The following PLCB4 variants were observed in gnomAD, a reference collection of about 807,000 sequenced individuals.
PLCB4 encodes phospholipase C beta 4, also known as 1-phosphatidylinositol 4,5-bisphosphate phosphodiesterase beta-4.
In PLCB4, 77 loss-of-function variants were observed where a neutral mutation model predicts 178.8. The ratio of observed to expected loss-of-function variants is 0.43; its 90% confidence interval spans 0.36 to 0.52. The LOEUF (loss-of-function observed/expected upper bound fraction) is 0.52. PLCB4 is among the 20% of genes least tolerant of loss of function. The pLI, the probability that PLCB4 is intolerant of heterozygous loss-of-function variation, is 0.00. For synonymous variants in PLCB4, 496 were observed against 490.8 expected (o/e 1.01, Z -0.14); for missense variants, 1,024 against 1,453.4 (o/e 0.70, Z 4.80).
intron 3 of PLCB4, among the ~76,000 whole-genome samples, chr20:9,288,330 C>T (rs2094552317): frequency 6.6e-6 from 1 of 151,558 alleles, no homozygotes; most frequent in African/African-American, 2.4e-5. Flanking sequence ...TCACCATTAG[C>T]TTATTAAGGT....
At chr20:9,400,184 G>C (rs923912964) in intron 19 of PLCB4, among the ~76,000 whole-genome samples, 6 of 152,084 alleles carry the variant, frequency 3.9e-5, no homozygotes, top group African/African-American at 9.7e-5. Flanking sequence ...AGAAGAGGAA[G>C]GTGGCTGTTT....
At chr20:9,085,687 A>C (rs1375655645) in intron 1 of PLCB4, among the ~76,000 whole-genome samples, 1 of 152,190 alleles carries the variant, frequency 6.6e-6, no homozygotes, top group Non-Finnish European at 1.5e-5. Flanking sequence ...AAATATATTG[A>C]CCTTGACTGT....
At chr20:9,211,552 G>T (rs1319183970) in intron 2 of PLCB4, among the ~76,000 whole-genome samples, 2 of 152,112 alleles carry the variant, frequency 1.3e-5, no homozygotes, top group Non-Finnish European at 2.9e-5. Flanking sequence ...TCTAAACTTG[G>T]GTTATTCCTG....
chr20:9,435,165 A>G (rs913040580), intron 28 of PLCB4, among the ~76,000 whole-genome samples: 6 of 152,318 alleles, frequency 3.9e-5, no homozygotes, highest in Middle Eastern at 6.8e-3. Flanking sequence ...ATTATTCTGC[A>G]GGGCAGGTGG....
At position 9,125,382 on chromosome 20, in the gene PLCB4, A is replaced by G. The variant is rs1455118838; in HGVS notation, c.-79+29040A>G. Reference sequence around the variant, plus strand: ...ATGGAACTTAATGAATGTGTGTGGTAAGAAGTAAAAATGGATTAGTTGTGT... The same window carrying G: ...ATGGAACTTAATGAATGTGTGTGGTGAGAAGTAAAAATGGATTAGTTGTGT... On this transcript the variant is annotated intron_variant, in intron 2 of 39. Transcript: ENST00000378473. Among the ~76,000 whole-genome samples, 4 of 152,194 alleles carry G rather than the reference A, an allele frequency of 2.6e-5. No individual in the cohort carries two copies. The East Asian group carries it at 7.7e-4, about 29-fold the overall frequency.
intron 30 of PLCB4, among the ~76,000 whole-genome samples, chr20:9,438,878 A>G (rs187615336): frequency 4.1e-4 from 63 of 152,340 alleles, no homozygotes; most frequent in Admixed American, 2.4e-3. Flanking sequence ...GGACAGTAGC[A>G]TGTTGGTAGG....
At position 9,220,591 on chromosome 20, in the gene PLCB4, T is replaced by A. The variant is rs536603386; in HGVS notation, c.-16+3139T>A. Reference sequence around the variant, plus strand: ...GCGGAGGTTTGCAGTGAGCCGAGACTGAGCCACTGTACCCCAGCCTGGGTG... The same window carrying A: ...GCGGAGGTTTGCAGTGAGCCGAGACAGAGCCACTGTACCCCAGCCTGGGTG... On this transcript the variant is annotated intron_variant, in intron 3 of 39. Coordinates refer to ENST00000378473, the MANE Select transcript of PLCB4 (RefSeq NM_001377142.1). Among the ~76,000 whole-genome samples the A allele has an allele frequency of 6.6e-5, 10 of 152,336 alleles. No homozygotes were observed. In the South Asian group the frequency reaches 2.1e-3, roughly 32 times the overall value.
intron 19 of PLCB4, among the ~76,000 whole-genome samples, chr20:9,398,682 G>T (rs1190788528): frequency 1.5e-5 from 2 of 134,202 alleles, no homozygotes; most frequent in Non-Finnish European, 3.0e-5. Flanking sequence ...ACAGCCTGAT[G>T]AAATGGGTAT....
intron 2 of PLCB4, among the ~76,000 whole-genome samples, chr20:9,176,964 A>G (rs769704335): frequency 6.6e-6 from 1 of 152,128 alleles, no homozygotes; most frequent in Non-Finnish European, 1.5e-5. Context: ...GGGCAAAGGG[A>G]GTGCAAATGG....
At chr20:9,260,521 G>GT (rs535081311) in intron 3 of PLCB4, among the ~76,000 whole-genome samples, 1 of 152,168 alleles carries the variant, frequency 6.6e-6, no homozygotes, top group East Asian at 1.9e-4. Flanking sequence ...AATGTATAGA[G>GT]TGACATCATG....
chr20:9,103,430 G>T (rs1194334820), intron 2 of PLCB4, among the ~76,000 whole-genome samples: 1 of 152,144 alleles, frequency 6.6e-6, no homozygotes, highest in Non-Finnish European at 1.5e-5. Context: ...TTGGTGAGAA[G>T]AATGGCACCA....
intron 2 of PLCB4, among the ~76,000 whole-genome samples, chr20:9,173,883 C>G (rs1270549548): frequency 1.3e-5 from 2 of 152,132 alleles, no homozygotes; most frequent in Non-Finnish European, 2.9e-5. Context: ...AGGGAAGCAT[C>G]TAATTCCTTC....
chr20:9,139,304 G>A (rs1364505462), intron 2 of PLCB4, among the ~76,000 whole-genome samples: 3 of 152,018 alleles, frequency 2.0e-5, no homozygotes, highest in Non-Finnish European at 4.4e-5. Context: ...GGTGGTAACT[G>A]GGCTCAGCTG....
At chr20:9,460,718 A>G (rs1225503896) in intron 35 of PLCB4, among the ~76,000 whole-genome samples, 3 of 152,214 alleles carry the variant, frequency 2.0e-5, no homozygotes, top group African/African-American at 7.2e-5. Context: ...AAATAGAAGC[A>G]TTATACAAAT....
chr20:9,412,553 C>A lies in PLCB4; in HGVS notation c.2051+1465C>A, dbSNP rs573717642. ...AACTGAAAAAGACTTTGTCCTTTGA[C>A]AAAAACCGAGTCCTTTCTGATGAGA... On this transcript the variant is annotated intron_variant, in intron 25 of 39. Coordinates refer to ENST00000378473, the MANE Select transcript of PLCB4 (RefSeq NM_001377142.1). Among the ~76,000 whole-genome samples the A allele has an allele frequency of 4.6e-5, 7 of 152,248 alleles. No individual in the cohort carries two copies. In the South Asian group the frequency reaches 1.5e-3, roughly 32 times the overall value.
chr20:9,345,684 T>G (rs2033725877), intron 7 of PLCB4, among the ~76,000 whole-genome samples: 1 of 152,220 alleles, frequency 6.6e-6, no homozygotes. Context: ...CATTATACTT[T>G]ATGCAGGTTT....
At chr20:9,378,829 T>C (rs2036901144) in intron 12 of PLCB4, among the ~76,000 whole-genome samples, 1 of 152,118 alleles carries the variant, frequency 6.6e-6, no homozygotes, top group East Asian at 1.9e-4. Context: ...CCCATATGCA[T>C]GAGGAAATGA....
intron 7 of PLCB4, among the ~76,000 whole-genome samples, chr20:9,342,542 A>T (rs953969490): frequency 4.6e-5 from 7 of 152,196 alleles, no homozygotes; most frequent in African/African-American, 1.7e-4. Context: ...TATATACCTT[A>T]AACACTGTAA....
chr20:9,421,205 C>G (rs546405735), intron 26 of PLCB4, 92 bp from the exon 27 acceptor site: 3 of 989,362 alleles, frequency 3.0e-6, no homozygotes, highest in Non-Finnish European at 4.5e-6. Context: ...TGCTCCCACC[C>G]AAAAGACAGA....
Sources: allele counts gnomAD v4.1 joint callset (sites outside exome capture counted in the v4.1 genomes callset), GRCh38; gene constraint gnomAD v4.1.1; transcripts MANE v1.5; gene names NCBI Gene and HGNC (gene_info 2026-07-23, HGNC 2026-07-21).